Variants in ZFAND3 observed in about 807,000 individuals in gnomAD.
The protein encoded by ZFAND3 is AN1-type zinc finger protein 3.
ZFAND3 carries 10 observed loss-of-function variants against 29.6 expected under a neutral mutation model. That is an observed-to-expected ratio of 0.34 (90% confidence interval 0.21 to 0.57). The LOEUF is 0.57. Among genes scored for constraint, ZFAND3 ranks in the 20% least tolerant of loss-of-function variants. The probability of loss-of-function intolerance (pLI) is 0.86; values close to 1 mark genes in which losing one functional copy is unlikely to be tolerated. For synonymous variants in ZFAND3, 128 were observed against 112.6 expected, an observed-to-expected ratio of 1.14 and a Z score of -0.87; for missense variants, 230 against 304.5, an observed-to-expected ratio of 0.76 and a Z score of 1.82.
chr6:38,118,836 C>T (rs1765472112), intron 5 of ZFAND3, among the ~76,000 whole-genome samples: 2 of 151,778 alleles, frequency 1.3e-5, no homozygotes, highest in African/African-American at 4.8e-5. Flanking sequence ...TGTCTAATCT[C>T]TGGTAAATAT....
chr6:37,994,584 A>C (rs754207833), intron 2 of ZFAND3, among the ~76,000 whole-genome samples: 7 of 152,126 alleles, frequency 4.6e-5, no homozygotes, highest in Non-Finnish European at 8.8e-5. Flanking sequence ...GTAGCTCTTT[A>C]CTTCTTCAGG....
chr6:38,006,023 T>G (rs1392464372), intron 2 of ZFAND3, among the ~76,000 whole-genome samples: 5 of 152,210 alleles, frequency 3.3e-5, no homozygotes, highest in Non-Finnish European at 5.9e-5. Context: ...TAGAGCCAGC[T>G]GACTTCAGCA....
At chr6:37,999,583 C>G (rs1047386738) in intron 2 of ZFAND3, among the ~76,000 whole-genome samples, 2 of 152,208 alleles carry the variant, frequency 1.3e-5, no homozygotes, top group African/African-American at 4.8e-5. Context: ...GATCTTCCTC[C>G]AATCCCATTA....
At chr6:38,061,961 A>G (rs1764249791) in intron 3 of ZFAND3, among the ~76,000 whole-genome samples, 186 bp downstream of exon 3, 1 of 152,242 alleles carries the variant, frequency 6.6e-6, no homozygotes, top group Admixed American at 6.5e-5. Flanking sequence ...ATAGCCTTTT[A>G]TACCGTCAAA....
chr6:37,990,416 A>G (rs11755592), intron 2 of ZFAND3, among the ~76,000 whole-genome samples: 1 of 152,144 alleles, frequency 6.6e-6, no homozygotes, highest in East Asian at 1.9e-4. Flanking sequence ...TGTGAAGACT[A>G]AAGAGAAATA....
At chr6:37,862,659 G>A (rs751046140) in intron 1 of ZFAND3, among the ~76,000 whole-genome samples, 8 of 151,652 alleles carry the variant, frequency 5.3e-5, no homozygotes, top group African/African-American at 9.7e-5. Context: ...AGCTGTGATC[G>A]TGCCACAACA....
At chr6:37,896,568 T>TTTCTTTCTTTCTC (rs1765217655) in intron 1 of ZFAND3, among the ~76,000 whole-genome samples, 1 of 145,636 alleles carries the variant, frequency 6.9e-6, no homozygotes, top group East Asian at 2.5e-4. Context: ...CTTTCTTTCT[T>TTTCTTTCTTTCTC]TCTCTCTTTC....
At chr6:37,828,160 C>T (rs1276529560) in intron 1 of ZFAND3, among the ~76,000 whole-genome samples, 1 of 152,232 alleles carries the variant, frequency 6.6e-6, no homozygotes, top group African/African-American at 2.4e-5. Context: ...GAAGGAGAAA[C>T]ATTCTGACCG....
intron 2 of ZFAND3, among the ~76,000 whole-genome samples, chr6:37,996,262 A>G (rs910379648): frequency 6.6e-6 from 1 of 152,370 alleles, no homozygotes; most frequent in Admixed American, 6.5e-5. Context: ...CTGTAAGATT[A>G]TATTGATAGT....
chr6:37,937,670 AAAAG>A (rs1367667935), intron 2 of ZFAND3, among the ~76,000 whole-genome samples: 2 of 151,010 alleles, frequency 1.3e-5, no homozygotes, highest in African/African-American at 4.9e-5. Flanking sequence ...AAAAAAAAAA[AAAAG>A]GCAAAAAAAG....
At chr6:37,900,896 A>G (rs1765307595) in intron 1 of ZFAND3, among the ~76,000 whole-genome samples, 1 of 152,210 alleles carries the variant, frequency 6.6e-6, no homozygotes, top group African/African-American at 2.4e-5. Flanking sequence ...CAGAGTTTAA[A>G]ATAGGATATA....
chr6:38,059,812 G>C (rs1764199937), intron 2 of ZFAND3, among the ~76,000 whole-genome samples: 1 of 152,080 alleles, frequency 6.6e-6, no homozygotes, highest in Non-Finnish European at 1.5e-5. Context: ...GGAGACGGAG[G>C]TTGCAGTGAG....
At chr6:38,094,830 G>A (rs1207868173) in intron 4 of ZFAND3, among the ~76,000 whole-genome samples, 1 of 152,142 alleles carries the variant, frequency 6.6e-6, no homozygotes, top group Admixed American at 6.5e-5. Context: ...CTGGGGTCCA[G>A]AAGCGTTTCA....
intron 1 of ZFAND3, among the ~76,000 whole-genome samples, chr6:37,923,698 C>T (rs1761427709): frequency 1.3e-5 from 2 of 152,140 alleles, no homozygotes; most frequent in South Asian, 4.1e-4. Flanking sequence ...GTTGCTCTAA[C>T]ACTACAGCTA....
rs77136359 is a variant in ZFAND3 at position 38,064,927 on chromosome 6, T to G, written c.295+3152T>G. ...TTGTGTGCAACTGGGCAGGTTGAGT[T>G]GGAGCTCAGAGGAGTGAAGTCAAGA... On this transcript the variant is annotated intron_variant, in intron 3 of 5. Coordinates refer to ENST00000287218, the MANE Select transcript of ZFAND3 (RefSeq NM_021943.3). 0.017 allele frequency among the ~76,000 whole-genome samples: 2,537 copies of G among 152,238 alleles called. 252 individuals are homozygous for G. The East Asian group carries it at 0.28, about 17-fold the overall frequency.
intron 1 of ZFAND3, among the ~76,000 whole-genome samples, chr6:37,889,183 A>G (rs1045895390): frequency 6.6e-6 from 1 of 152,224 alleles, no homozygotes; most frequent in African/African-American, 2.4e-5. Flanking sequence ...AAATGAGGAC[A>G]TCCAAAGCTA....
chr6:37,893,618 A>G (rs1156409355), intron 1 of ZFAND3, among the ~76,000 whole-genome samples: 3 of 152,130 alleles, frequency 2.0e-5, no homozygotes, highest in Non-Finnish European at 2.9e-5. Context: ...CAGTGGCACA[A>G]TCTCGGCTCA....
intron 1 of ZFAND3, among the ~76,000 whole-genome samples, chr6:37,865,132 C>T (rs1188726334): frequency 2.0e-5 from 3 of 152,174 alleles, no homozygotes; most frequent in East Asian, 1.9e-4. Context: ...GCGCCGATAG[C>T]GTGCCACTGC....
chr6:38,144,171 G>GATATATATATATATATATATATATT (rs1315714773), intron 5 of ZFAND3, among the ~76,000 whole-genome samples: 1 of 87,340 alleles, frequency 1.1e-5, no homozygotes, highest in Non-Finnish European at 2.1e-5. Flanking sequence ...AGAAAAATGT[G>GATATATATATATATATATATATATT]ATATATATAT....
Sources: allele counts gnomAD v4.1 joint callset (sites outside exome capture counted in the v4.1 genomes callset), GRCh38; gene constraint gnomAD v4.1.1; transcripts MANE v1.5; gene names NCBI Gene and HGNC (gene_info 2026-07-23, HGNC 2026-07-21).